Variants in PCDH9 observed in about 807,000 individuals in gnomAD.
PCDH9 encodes protocadherin 9, also known as protocadherin-9.
PCDH9 carries 24 observed loss-of-function variants against 70.6 expected under a neutral mutation model. That is an observed-to-expected ratio of 0.34 (90% CI 0.25 to 0.48). The LOEUF (loss-of-function observed/expected upper bound fraction) is 0.48. Among genes scored for constraint, PCDH9 ranks in the 20% least tolerant of loss-of-function variants. PCDH9 has a pLI of 0.99. For missense variants in PCDH9, 1,281 were observed against 1,503.6 expected (o/e 0.85, Z 2.45); for synonymous variants, 562 against 558.5 (o/e 1.01, Z -0.09).
At position 66,832,859 on chromosome 13, in the gene PCDH9, T is replaced by C. The variant is rs550092398; in HGVS notation, c.3138+70645A>G. On this transcript the variant is annotated intron_variant, in intron 3 of 4. Transcript: ENST00000377865. Reference sequence around the variant, plus strand: ...TCACTATGATACGATACCAGTTATATACTAATCATAAATAGCACTGAACTT... The same window carrying C: ...TCACTATGATACGATACCAGTTATACACTAATCATAAATAGCACTGAACTT... 1.2e-4 allele frequency among the ~76,000 whole-genome samples: 19 copies of C among 152,250 alleles called. 1 individual carries two copies. The South Asian group carries it at 3.5e-3, about 28-fold the overall frequency.
At chr13:66,616,376 G>A (rs773312377) in intron 4 of PCDH9, among the ~76,000 whole-genome samples, 12 of 141,390 alleles carry the variant, frequency 8.5e-5, no homozygotes, top group Non-Finnish European at 1.5e-4. Context: ...CATCTATTTT[G>A]CAAACCACTC....
At position 66,776,477 on chromosome 13, in the gene PCDH9, C is replaced by A. The variant is rs1277646238; in HGVS notation, c.3138+127027G>T. Among the ~76,000 whole-genome samples the A allele has an allele frequency of 4.6e-5, 7 of 151,000 alleles. No homozygotes were observed. In the South Asian group the frequency reaches 1.3e-3, roughly 27 times the overall value. The stretch of plus-strand genomic sequence containing the variant: ...TACAAAAATCACAAGCATTCTTATA[C>A]CCCAATAACAGACAAATAGAGAGCC... On this transcript the variant is annotated intron_variant, in intron 3 of 4. Transcript: ENST00000377865.
At chr13:66,474,751 T>A (rs183674242) in intron 4 of PCDH9, among the ~76,000 whole-genome samples, 1 of 152,178 alleles carries the variant, frequency 6.6e-6, no homozygotes, top group Admixed American at 6.5e-5. Context: ...CCACTATCAC[T>A]GAGTCATCAA....
intron 2 of PCDH9, among the ~76,000 whole-genome samples, chr13:66,974,800 A>G (rs2083586361): frequency 6.6e-6 from 1 of 152,040 alleles, no homozygotes; most frequent in Admixed American, 6.6e-5. Flanking sequence ...TGAGAGTTGA[A>G]AACAGCTTTA....
At chr13:67,160,966 T>G (rs190668865) in intron 2 of PCDH9, among the ~76,000 whole-genome samples, 27 of 152,316 alleles carry the variant, frequency 1.8e-4, no homozygotes, top group African/African-American at 6.5e-4. Context: ...ATGGGGACAT[T>G]TATTTGAAAT....
intron 2 of PCDH9, among the ~76,000 whole-genome samples, chr13:67,018,713 C>T (rs1174301774): frequency 1.3e-5 from 2 of 150,532 alleles, no homozygotes; most frequent in African/African-American, 4.9e-5. Context: ...CAGAAAGAAA[C>T]AAACAAAAAA....
intron 3 of PCDH9, among the ~76,000 whole-genome samples, chr13:66,797,193 AT>A (rs1174889201): frequency 6.6e-6 from 1 of 151,866 alleles, no homozygotes; most frequent in Non-Finnish European, 1.5e-5. Flanking sequence ...TGTTGCTCAC[AT>A]TTTTTTTCTA....
In PCDH9 at chr13:67,114,327, A is replaced by G. The variant is rs567485286; in HGVS notation, c.3036+111078T>C. ...TGCTTTATACATGAAAAGAATAAGA[A>G]TCTTTTAATCTCCCCCAGGAACCAA... On this transcript the variant is annotated intron_variant, in intron 2 of 4. Coordinates refer to ENST00000377865, the MANE Select transcript of PCDH9 (RefSeq NM_203487.3). Among the ~76,000 whole-genome samples, 9 of 152,314 alleles carry G rather than the reference A, an allele frequency of 5.9e-5. No homozygotes were observed. In the South Asian group the frequency reaches 1.9e-3, roughly 32 times the overall value.
At chr13:66,474,842 C>T (rs1265499251) in intron 4 of PCDH9, among the ~76,000 whole-genome samples, 3 of 151,982 alleles carry the variant, frequency 2.0e-5, no homozygotes. Flanking sequence ...AAATTTTGGT[C>T]GCTAAGGTTT....
intron 2 of PCDH9, among the ~76,000 whole-genome samples, chr13:67,115,198 T>C (rs2086735147): frequency 2.0e-5 from 3 of 152,338 alleles, no homozygotes; most frequent in Middle Eastern, 3.4e-3. Flanking sequence ...TGGAATAGGA[T>C]GTATCAGATT....
chr13:66,500,281 T>C (rs1464153323), intron 4 of PCDH9, among the ~76,000 whole-genome samples: 3 of 152,176 alleles, frequency 2.0e-5, no homozygotes, highest in African/African-American at 7.2e-5. Context: ...TCTGGGTACA[T>C]ATTTAAAGAA....
intron 4 of PCDH9, among the ~76,000 whole-genome samples, chr13:66,464,937 A>C (rs974552249): frequency 3.3e-5 from 5 of 151,948 alleles, no homozygotes; most frequent in Admixed American, 6.6e-5. Flanking sequence ...CTCCTTGGCC[A>C]CAGCAAACTT....
chr13:66,661,427 G>A (rs1211496084), intron 3 of PCDH9, among the ~76,000 whole-genome samples: 4 of 152,124 alleles, frequency 2.6e-5, no homozygotes, highest in African/African-American at 7.2e-5. Context: ...TCTGACTGGC[G>A]TTACCAATAT....
chr13:66,987,693 A>ATT (rs66494405), intron 2 of PCDH9, among the ~76,000 whole-genome samples: 3 of 151,380 alleles, frequency 2.0e-5, no homozygotes, highest in South Asian at 2.1e-4. Flanking sequence ...AGATATTCCA[A>ATT]TTTTTTTGTA....
chr13:66,318,184 T>G (rs1444385), intron 4 of PCDH9, among the ~76,000 whole-genome samples: 113,914 of 151,984 alleles, frequency 0.75, 42,890 homozygotes, highest in Non-Finnish European at 0.79. Flanking sequence ...ATTAATATGG[T>G]TTCTTGAAAG....
intron 3 of PCDH9, among the ~76,000 whole-genome samples, chr13:66,843,014 A>G (rs1219466662): frequency 6.6e-6 from 1 of 152,214 alleles, no homozygotes; most frequent in Non-Finnish European, 1.5e-5. Flanking sequence ...GCCAAGTGCC[A>G]CTTCACTCTT....
intron 2 of PCDH9, chr13:67,224,987 C>A: frequency 2.9e-6 from 3 of 1,026,274 alleles, no homozygotes; most frequent in Non-Finnish European, 3.5e-6. Context: ...GCAGTCACAC[C>A]TTCAAAAGTC....
At chr13:66,820,098 T>A (rs1307262261) in intron 3 of PCDH9, among the ~76,000 whole-genome samples, 1 of 152,148 alleles carries the variant, frequency 6.6e-6, no homozygotes, top group Non-Finnish European at 1.5e-5. Context: ...ATATTGAATT[T>A]GTTCCATACA....
Position 66,745,714 on chromosome 13 carries a change from G to A in PCDH9, c.3139-114303C>T, listed in dbSNP as rs150169624. Reference sequence around the variant, plus strand: ...ATTATTTCCACCAAAGGCAGCTATCGAATATCTCCCCCATTCCATGGAGAA... The same window carrying A: ...ATTATTTCCACCAAAGGCAGCTATCAAATATCTCCCCCATTCCATGGAGAA... On this transcript the variant is annotated intron_variant, in intron 3 of 4. Transcript: ENST00000377865. 2.9e-3 allele frequency among the ~76,000 whole-genome samples: 448 copies of A among 152,104 alleles called. 2 individuals carry two copies. Among genetic ancestry groups the A allele is most frequent in the African/African-American group, 0.01 (422 of 41,486 alleles).
Sources: gnomAD v4.1 joint callset for allele counts (sites outside exome capture counted in the v4.1 genomes callset) on GRCh38, gnomAD v4.1.1 for gene constraint, MANE v1.5 for transcripts, NCBI Gene and HGNC (gene_info 2026-07-23, HGNC 2026-07-21) for gene names.